GRAMD4: variants seen among roughly 807,000 people sequenced by gnomAD.
GRAMD4 encodes GRAM domain containing 4.
GRAMD4 carries 25 observed loss-of-function variants against 83.9 expected under a neutral mutation model. The observed-to-expected ratio is 0.30, with a 90% CI of 0.22 to 0.42. The LOEUF (loss-of-function observed/expected upper bound fraction) is 0.42, where lower values mean the gene tolerates loss of function less well. Among genes scored for constraint, GRAMD4 ranks in the 10% least tolerant of loss-of-function variants. The pLI, the probability that GRAMD4 is intolerant of heterozygous loss-of-function variation, is 1.00. For synonymous variants in GRAMD4, 336 were observed against 320.9 expected (o/e 1.05, Z -0.50); for missense variants, 593 against 788.7 (o/e 0.75, Z 2.97).
rs968042016 is a variant in GRAMD4, at chr22:46,622,289, G to A, written c.-50+1724G>A. Reference sequence around the variant, plus strand: ...CCAAGCGTGTCCCCTGCTTTCCTTGGGTGGAGGCCAGCTCGGTGCCCTACA... The same window carrying A: ...CCAAGCGTGTCCCCTGCTTTCCTTGAGTGGAGGCCAGCTCGGTGCCCTACA... On this transcript the variant is annotated intron_variant, in intron 1 of 18. Transcript: ENST00000406902. The surrounding 1 kb of genome is among the most constrained non-coding windows in gnomAD (Gnocchi z 4.0). 2.6e-5 allele frequency among the ~76,000 whole-genome samples: 4 copies of A among 152,146 alleles called. No individual in the cohort carries two copies. Among genetic ancestry groups the A allele is most frequent in the African/African-American group, 9.7e-5 (4 of 41,410 alleles).
At chr22:46,667,353 AACG>A (rs1354249406) in intron 10 of GRAMD4, among the ~76,000 whole-genome samples, 5 of 152,322 alleles carry the variant, frequency 3.3e-5, no homozygotes, top group Middle Eastern at 3.4e-3. Flanking sequence ...AAAACAGAAC[AACG>A]ACAACAAAAA....
At chr22:46,627,821 T>G (rs894113773) in intron 2 of GRAMD4, among the ~76,000 whole-genome samples, 1 of 152,244 alleles carries the variant, frequency 6.6e-6, no homozygotes, top group African/African-American at 2.4e-5. Context: ...TTACTGCTGC[T>G]GCTGCTCTCT....
Position 46,658,211 on chromosome 22 carries a change from A to G in GRAMD4, c.308A>G (p.Glu103Gly), listed in dbSNP as rs761664481. 1 of 1,613,754 alleles carries G rather than the reference A, an allele frequency of 6.2e-7. No homozygotes were observed. The part of the protein sequence containing the change: ...FLQEELRKLR[E>G]ETNAEMLRQE... ...GAGGAGGAGCTCCGGAAGCTGCGAG[A>G]AGAAACCAACGCGGAGATGCTGCGG... The change falls in exon 4 of 19, where the codon GAA (glutamate) becomes GGA (glycine). Residue 103 changes from glutamate (E) to glycine (G), a missense_variant. This residue lies in a region of GRAMD4 where 312 missense variants were observed against 350.7 expected (regional missense o/e 0.89). Transcript: ENST00000406902.
upstream of GRAMD4, among the ~76,000 whole-genome samples, chr22:46,619,223 T>C (rs2081541469): frequency 6.6e-6 from 1 of 152,174 alleles, no homozygotes; most frequent in African/African-American, 2.4e-5. Flanking sequence ...ATCTGCAGTC[T>C]CAGGACCCCA....
At chr22:46,679,913 G>A (rs929441199), downstream of GRAMD4, 9 of 342,992 alleles carry the variant, frequency 2.6e-5, no homozygotes, top group East Asian at 1.7e-4. Context: ...CACGGCTGCC[G>A]GCGGCGGGGC....
intron 3 of GRAMD4, among the ~76,000 whole-genome samples, chr22:46,644,635 G>A (rs1172332129): frequency 6.7e-6 from 1 of 148,740 alleles, no homozygotes; most frequent in South Asian, 2.1e-4. Context: ...CCTGTTCTGG[G>A]TTACATTTGT....
Position 46,603,799 on chromosome 22 carries a change from A to G in GRAMD4, c.-49-22952A>G. ...CCAAAGTGCTGGGATTACAGGCGTG[A>G]CCACCGCGCCCAGCCTCGGCCTCTT... On this transcript the variant is annotated intron_variant, in intron 1 of 1. Transcript: ENST00000431155. 2.0e-5 allele frequency among the ~76,000 whole-genome samples: 3 copies of G among 149,860 alleles called. 1 individual carries two copies. The South Asian group carries it at 6.4e-4, about 32-fold the overall frequency.
chr22:46,587,024 G>A (rs1458094730), intron 1 of GRAMD4, among the ~76,000 whole-genome samples: 1 of 152,210 alleles, frequency 6.6e-6, no homozygotes, highest in East Asian at 1.9e-4. Context: ...TGTGATGCTG[G>A]ACAAAGCCCG....
At chr22:46,652,660 G>C (rs1314748078) in intron 3 of GRAMD4, among the ~76,000 whole-genome samples, 1 of 152,184 alleles carries the variant, frequency 6.6e-6, no homozygotes, top group East Asian at 1.9e-4. Flanking sequence ...GAGCAGCTCG[G>C]GGCACAAGGA....
intron 2 of GRAMD4, among the ~76,000 whole-genome samples, chr22:46,631,485 C>T (rs55845168): frequency 1.1e-5 from 1 of 92,488 alleles, no homozygotes; most frequent in East Asian, 3.3e-4. Flanking sequence ...TGTGTCCTTT[C>T]GTCTCCTGGG....
intron 5 of GRAMD4, among the ~76,000 whole-genome samples, chr22:46,662,737 A>T (rs980192399): frequency 6.6e-6 from 1 of 152,154 alleles, no homozygotes; most frequent in Non-Finnish European, 1.5e-5. Flanking sequence ...ACGAGAGCCC[A>T]GGGCGGGCAG....
At chr22:46,630,728 G>T (rs775546494) in intron 2 of GRAMD4, among the ~76,000 whole-genome samples, 3 of 152,256 alleles carry the variant, frequency 2.0e-5, no homozygotes, top group Non-Finnish European at 2.9e-5. Flanking sequence ...CTGAGGGATC[G>T]CAGGTGCTTG....
At chr22:46,668,592 C>T in intron 11 of GRAMD4, 97 bp from the exon 12 acceptor site, 1 of 1,147,696 alleles carries the variant, frequency 8.7e-7, no homozygotes. Flanking sequence ...TCCGAGTGAC[C>T]TCAGGGCTGC....
chr22:46,651,108 C>G (rs531040274), intron 3 of GRAMD4, among the ~76,000 whole-genome samples: 1 of 152,200 alleles, frequency 6.6e-6, no homozygotes, highest in Non-Finnish European at 1.5e-5. Context: ...AATGAGACGG[C>G]TGATGTGCCT....
chr22:46,594,585 T>TC (rs1555953056), intron 1 of GRAMD4, among the ~76,000 whole-genome samples: 1 of 135,816 alleles, frequency 7.4e-6, no homozygotes, highest in Non-Finnish European at 1.6e-5. Flanking sequence ...TCTGGTTGGG[T>TC]GGGGGGGGTT....
At chr22:46,595,973 A>C (rs1043213805) in intron 1 of GRAMD4, among the ~76,000 whole-genome samples, 1 of 151,994 alleles carries the variant, frequency 6.6e-6, no homozygotes, top group East Asian at 1.9e-4. Flanking sequence ...AGAATCTGCT[A>C]TCCTGGTGGG....
At chr22:46,680,990 G>C (rs1809663996), downstream of GRAMD4, among the ~76,000 whole-genome samples, 1 of 130,146 alleles carries the variant, frequency 7.7e-6, no homozygotes, top group Admixed American at 8.8e-5. Flanking sequence ...CAGCAGTGAT[G>C]GGCTAGGAAC....
chr22:46,679,557 G>T lies in GRAMD4; in HGVS notation c.*2306G>T. ...TGTTTAATTTCTGTGACTAATCACT[G>T]AACTAGACGAATGTTAAATTTTTTA... On this transcript the variant is annotated 3_prime_UTR_variant, in exon 19 of 19. Coordinates refer to ENST00000406902, the MANE Select transcript of GRAMD4 (RefSeq NM_015124.5). 1.0e-6 allele frequency: 1 copy of T among 985,382 alleles called. No homozygotes were observed. Among genetic ancestry groups the T allele is most frequent in the South Asian group, 4.7e-5 (1 of 21,288 alleles). The allele number at this position is 985,382 out of a possible 1,614,324, so 61.0% of individuals were successfully genotyped here. A position where few individuals can be genotyped will look rare whatever the true frequency, so the allele number is the denominator to read the frequency against.
intron 14 of GRAMD4, 42 bp downstream of exon 14, chr22:46,673,039 C>G (rs2082536329): frequency 3.3e-6 from 5 of 1,500,986 alleles, no homozygotes; most frequent in Non-Finnish European, 4.5e-6. Flanking sequence ...GGATGGGGGG[C>G]CACGAAGCCG....
Sources: gnomAD v4.1 joint callset for allele counts (sites outside exome capture counted in the v4.1 genomes callset) on GRCh38, gnomAD v4.1.1 for gene constraint, gnomAD v4.1.1 regional missense constraint, Gnocchi (gnomAD v3.1) non-coding constraint, MANE v1.5 for transcripts, NCBI Gene and HGNC (gene_info 2026-07-23, HGNC 2026-07-21) for gene names.